TCF12: variants seen among roughly 807,000 people sequenced by gnomAD.
TCF12 encodes DNA-binding protein HTF4.
In TCF12, 45 loss-of-function variants were observed where a neutral mutation model predicts 86.0. The ratio of observed to expected loss-of-function variants is 0.52; its 90% CI spans 0.41 to 0.67. TCF12 has a LOEUF of 0.67. Ranked by LOEUF, TCF12 falls within the 30% of genes least tolerant of loss-of-function variation. The pLI is 0.00. For missense variants in TCF12, 881 were observed against 859.9 expected (o/e 1.02, Z -0.31); for synonymous variants, 330 against 299.6 (o/e 1.10, Z -1.05).
chr15:57,227,891 T>C (rs1221205994), intron 8 of TCF12, among the ~76,000 whole-genome samples: 1 of 152,134 alleles, frequency 6.6e-6, no homozygotes, highest in Non-Finnish European at 1.5e-5. Context: ...TAAAATAGTT[T>C]GACTCCTGGT....
chr15:57,158,886 C>G (rs555081356), intron 5 of TCF12, among the ~76,000 whole-genome samples: 1 of 152,210 alleles, frequency 6.6e-6, no homozygotes, highest in Non-Finnish European at 1.5e-5. Flanking sequence ...AGCATCTTCA[C>G]TGTAGCCAGC....
intron 3 of TCF12, among the ~76,000 whole-genome samples, chr15:57,029,856 T>G (rs2066043026): frequency 6.6e-6 from 1 of 152,234 alleles, no homozygotes; most frequent in Non-Finnish European, 1.5e-5. Flanking sequence ...GACACTGGCT[T>G]CTTTCACTAA....
intron 8 of TCF12, among the ~76,000 whole-genome samples, chr15:57,226,747 A>C (rs185471406): frequency 6.6e-6 from 1 of 152,282 alleles, no homozygotes; most frequent in Admixed American, 6.5e-5. Context: ...ATATGTTTCA[A>C]AATAATTTAT....
intron 6 of TCF12, among the ~76,000 whole-genome samples, chr15:57,179,234 C>G (rs987389779): frequency 1.3e-5 from 2 of 152,118 alleles, no homozygotes; most frequent in Admixed American, 1.3e-4. Context: ...TGCCTGTAAT[C>G]CCAGCATTTT....
At chr15:56,971,391 G>T (rs1001614959) in intron 3 of TCF12, among the ~76,000 whole-genome samples, 2 of 151,902 alleles carry the variant, frequency 1.3e-5, no homozygotes, top group African/African-American at 2.4e-5. Context: ...CACGCCACTG[G>T]ACTACAGCCT....
intron 3 of TCF12, among the ~76,000 whole-genome samples, chr15:56,941,058 G>A (rs1200362940): frequency 6.8e-6 from 1 of 147,760 alleles, no homozygotes; most frequent in Non-Finnish European, 1.5e-5. Context: ...ACCGTGCCAG[G>A]CCTTTAAATT....
chr15:57,067,264 G>T (rs1408738548), intron 4 of TCF12, among the ~76,000 whole-genome samples: 1 of 152,128 alleles, frequency 6.6e-6, no homozygotes, highest in African/African-American at 2.4e-5. Context: ...TTATAGGCCG[G>T]GCGCGGTGGC....
intron 19 of TCF12, among the ~76,000 whole-genome samples, chr15:57,281,136 C>CTCTG (rs2061667679): frequency 1.5e-5 from 2 of 135,068 alleles, no homozygotes; most frequent in South Asian, 4.7e-4. Flanking sequence ...CAGGGTCTTG[C>CTCTG]TCTGTCATCC....
intron 3 of TCF12, among the ~76,000 whole-genome samples, chr15:56,983,118 T>C (rs2062975960): frequency 6.6e-6 from 1 of 152,222 alleles, no homozygotes; most frequent in Non-Finnish European, 1.5e-5. Flanking sequence ...TTCTTAATGA[T>C]TCAGAATTGC....
intron 12 of TCF12, 125 bp from the exon 13 acceptor site, chr15:57,243,344 CAAG>C (rs1168098410): frequency 8.6e-6 from 6 of 694,166 alleles, no homozygotes; most frequent in African/African-American, 7.2e-5. Context: ...TAAAACTTGA[CAAG>C]AAATTTTTTC....
chr15:57,177,126 A>G (rs1345663959), intron 6 of TCF12, among the ~76,000 whole-genome samples: 3 of 152,226 alleles, frequency 2.0e-5, no homozygotes, highest in South Asian at 4.1e-4. Flanking sequence ...CATGTGATCT[A>G]GGAAAGAGTA....
At chr15:57,097,536 A>C (rs1030072772) in intron 5 of TCF12, among the ~76,000 whole-genome samples, 1 of 152,068 alleles carries the variant, frequency 6.6e-6, no homozygotes, top group African/African-American at 2.4e-5. Flanking sequence ...AAAAAAAATA[A>C]TAAAAAATAA....
intron 8 of TCF12, among the ~76,000 whole-genome samples, chr15:57,204,456 CA>C (rs201426867): frequency 4.1e-5 from 6 of 147,144 alleles, no homozygotes; most frequent in African/African-American, 1.3e-4. Context: ...GACTCTGTCT[CA>C]AAAAAAAAGA....
At chr15:56,961,792 G>A (rs997436310) in intron 3 of TCF12, among the ~76,000 whole-genome samples, 30 of 152,066 alleles carry the variant, frequency 2.0e-4, no homozygotes, top group African/African-American at 7.0e-4. Flanking sequence ...TATAAATGTT[G>A]TATATAAATG....
intron 3 of TCF12, among the ~76,000 whole-genome samples, chr15:57,057,940 A>T (rs2068159770): frequency 6.6e-6 from 1 of 152,214 alleles, no homozygotes; most frequent in Non-Finnish European, 1.5e-5. Context: ...CTTCAGATAC[A>T]GGGCTTTGGT....
At chr15:56,957,517 T>G (rs574817629) in intron 3 of TCF12, among the ~76,000 whole-genome samples, 1 of 152,340 alleles carries the variant, frequency 6.6e-6, no homozygotes, top group South Asian at 2.1e-4. Flanking sequence ...TTCAGTGTAC[T>G]TTTCATCTCA....
At chr15:57,066,780 T>C (rs1250056418) in intron 4 of TCF12, among the ~76,000 whole-genome samples, 1 of 152,192 alleles carries the variant, frequency 6.6e-6, no homozygotes, top group Non-Finnish European at 1.5e-5. Flanking sequence ...TACAATAATA[T>C]GAAACCATAT....
rs2061739119 is a variant in TCF12 at position 57,282,530 on chromosome 15, A to C, written c.2064A>C (p.Thr688=). The change falls in exon 20 of 21, where the codon ACA becomes ACC. Residue 688 remains threonine, a synonymous_variant. Transcript: ENST00000333725. ...CCGTATCGGCAGAGCCGCCAACCAC[A>C]CTGCCAGGAACCCATCCTGGGCTTA... is the stretch of plus-strand genomic sequence containing the variant. The part of the protein sequence containing the change: ...VSAVSAEPPT[T]LPGTHPGLSE... 1.9e-6 allele frequency: 3 copies of C among 1,614,212 alleles called. No individual in the cohort carries two copies. In the East Asian group the frequency reaches 6.7e-5, roughly 36 times the overall value.
At chr15:57,276,808 CTTT>C (rs35792121) in intron 19 of TCF12, among the ~76,000 whole-genome samples, 7 of 107,552 alleles carry the variant, frequency 6.5e-5, no homozygotes, top group Non-Finnish European at 5.7e-5. Flanking sequence ...TTTTTTTTTC[CTTT>C]TTTTTTTTTT....
Sources: allele counts gnomAD v4.1 joint callset (sites outside exome capture counted in the v4.1 genomes callset), GRCh38; gene constraint gnomAD v4.1.1; transcripts MANE v1.5; gene names NCBI Gene and HGNC (gene_info 2026-07-23, HGNC 2026-07-21).